RCAN2: variants seen among roughly 807,000 people sequenced by gnomAD.
RCAN2 encodes the protein regulator of calcineurin 2.
A neutral mutation model predicts 23.6 loss-of-function variants in RCAN2; 9 were observed. The observed-to-expected ratio is 0.38, with a 90% CI of 0.23 to 0.67. RCAN2 has a LOEUF of 0.67. Among genes scored for constraint, RCAN2 ranks in the 30% least tolerant of loss-of-function variants. The pLI is 0.51. For missense variants in RCAN2, 273 were observed against 302.3 expected (o/e 0.90, Z 0.72); for synonymous variants, 109 against 115.7 (o/e 0.94, Z 0.37).
intron 1 of RCAN2, among the ~76,000 whole-genome samples, chr6:46,474,782 G>T (rs1273678631): frequency 2.0e-5 from 3 of 152,230 alleles, no homozygotes; most frequent in Admixed American, 1.3e-4. Flanking sequence ...CAGTTCCAAA[G>T]GGGAGCAACA....
chr6:46,295,958 C>CTT (rs796327727), intron 2 of RCAN2, among the ~76,000 whole-genome samples: 6 of 142,704 alleles, frequency 4.2e-5, no homozygotes, highest in African/African-American at 1.5e-4. Flanking sequence ...AATGAGCAAA[C>CTT]TTTTTTTTTT....
At chr6:46,310,850 T>C (rs1264288011) in intron 2 of RCAN2, among the ~76,000 whole-genome samples, 1 of 152,234 alleles carries the variant, frequency 6.6e-6, no homozygotes, top group African/African-American at 2.4e-5. Flanking sequence ...ATTAAGTGAA[T>C]TTCAGAAAAA....
intron 2 of RCAN2, among the ~76,000 whole-genome samples, chr6:46,260,647 G>A (rs112918794): frequency 3.3e-5 from 5 of 152,268 alleles, no homozygotes; most frequent in Non-Finnish European, 5.9e-5. Flanking sequence ...CTCTCATTAC[G>A]TGAACCCAGG....
intron 2 of RCAN2, among the ~76,000 whole-genome samples, chr6:46,414,859 T>C (rs984907646): frequency 6.6e-6 from 1 of 152,220 alleles, no homozygotes; most frequent in Non-Finnish European, 1.5e-5. Flanking sequence ...TATTGAGAAC[T>C]CTAATACAAT....
At chr6:46,435,204 T>C (rs979159200) in intron 2 of RCAN2, among the ~76,000 whole-genome samples, 4 of 152,220 alleles carry the variant, frequency 2.6e-5, no homozygotes, top group Admixed American at 2.6e-4. Flanking sequence ...AGTGATTATA[T>C]AGGATTCCCT....
At chr6:46,262,585 G>A (rs1561833418) in intron 2 of RCAN2, among the ~76,000 whole-genome samples, 1 of 37,236 alleles carries the variant, frequency 2.7e-5, no homozygotes, top group African/African-American at 9.0e-5. Context: ...GTGAGCCTCT[G>A]TCTTAAATAA....
At chr6:46,323,192 G>C (rs1275056448) in intron 2 of RCAN2, among the ~76,000 whole-genome samples, 1 of 152,084 alleles carries the variant, frequency 6.6e-6, no homozygotes. Context: ...ATCACTTTCA[G>C]AGAGTGCCTA....
chr6:46,437,855 C>T (rs1767418180), intron 2 of RCAN2, among the ~76,000 whole-genome samples: 1 of 152,138 alleles, frequency 6.6e-6, no homozygotes, highest in South Asian at 2.1e-4. Context: ...CTAGAGGCTT[C>T]AATGATGTAA....
At chr6:46,255,254 G>A (rs1262214755) in intron 2 of RCAN2, among the ~76,000 whole-genome samples, 1 of 152,086 alleles carries the variant, frequency 6.6e-6, no homozygotes, top group Non-Finnish European at 1.5e-5. Context: ...AGGTGTGTGT[G>A]TGTGTATGTG....
chr6:46,301,287 C>T (rs915222229), intron 2 of RCAN2, among the ~76,000 whole-genome samples: 1 of 152,078 alleles, frequency 6.6e-6, no homozygotes. Flanking sequence ...GTGTCTGCAT[C>T]TGTAAAATGG....
At chr6:46,407,371 C>A (rs1254665160) in intron 2 of RCAN2, among the ~76,000 whole-genome samples, 1 of 152,124 alleles carries the variant, frequency 6.6e-6, no homozygotes, top group Non-Finnish European at 1.5e-5. Context: ...AAGATCTTAG[C>A]AAAAATGAAG....
At chr6:46,486,548 C>T (rs1423869723) in intron 1 of RCAN2, among the ~76,000 whole-genome samples, 1 of 152,104 alleles carries the variant, frequency 6.6e-6, no homozygotes, top group Admixed American at 6.5e-5. Context: ...TTGGAACAGG[C>T]AAATCTCAGT....
chr6:46,252,998 CTATT>C (rs1766786989), intron 2 of RCAN2, among the ~76,000 whole-genome samples: 1 of 152,142 alleles, frequency 6.6e-6, no homozygotes, highest in Non-Finnish European at 1.5e-5. Context: ...ATCCATTTAT[CTATT>C]TTTCACTTTG....
Position 46,279,390 on chromosome 6 carries a change from T to C in RCAN2, c.226-30494A>G, listed in dbSNP as rs555738020. ...GAGGTTTGCTTTAACCTTGGCACTA[T>C]TGACATTTGGGTCCAGATAATTCTT... On this transcript the variant is annotated intron_variant, in intron 2 of 4. Transcript: ENST00000371374. Among the ~76,000 whole-genome samples, 22 of 152,352 alleles carry C rather than the reference T, an allele frequency of 1.4e-4. No individual in the cohort carries two copies. The East Asian group carries it at 3.5e-3, about 24-fold the overall frequency.
chr6:46,461,592 T>C (rs1768207690), intron 1 of RCAN2, among the ~76,000 whole-genome samples: 1 of 151,840 alleles, frequency 6.6e-6, no homozygotes, highest in East Asian at 1.9e-4. Flanking sequence ...TTCTTTTTTT[T>C]TTTTTCTTTT....
chr6:46,336,050 A>T (rs1350029084), intron 2 of RCAN2, among the ~76,000 whole-genome samples: 2 of 152,204 alleles, frequency 1.3e-5, no homozygotes, highest in Admixed American at 6.5e-5. Flanking sequence ...TAACTTCTCA[A>T]CATTTCTGCT....
chr6:46,279,512 G>A (rs1767830680), intron 2 of RCAN2, among the ~76,000 whole-genome samples: 1 of 152,162 alleles, frequency 6.6e-6, no homozygotes, highest in Admixed American at 6.5e-5. Flanking sequence ...TTGTGACAAC[G>A]TGTTTGCAGA....
chr6:46,401,828 C>T (rs1442559792), intron 2 of RCAN2, among the ~76,000 whole-genome samples: 3 of 152,178 alleles, frequency 2.0e-5, no homozygotes, highest in African/African-American at 4.8e-5. Context: ...GACATCTGAG[C>T]TTCTGCCTCC....
intron 2 of RCAN2, among the ~76,000 whole-genome samples, chr6:46,410,564 G>A (rs1766520916): frequency 1.3e-5 from 2 of 152,154 alleles, no homozygotes; most frequent in South Asian, 4.1e-4. Context: ...GCATGTCTGA[G>A]AAATAATTGT....
Sources: gnomAD v4.1 joint callset for allele counts (sites outside exome capture counted in the v4.1 genomes callset) on GRCh38, gnomAD v4.1.1 for gene constraint, MANE v1.5 for transcripts, NCBI Gene and HGNC (gene_info 2026-07-23, HGNC 2026-07-21) for gene names.